Variants in AUTS2 observed in about 807,000 individuals in gnomAD.
The protein encoded by AUTS2 is activator of transcription and developmental regulator AUTS2, also known as autism susceptibility gene 2 protein.
A neutral mutation model predicts 112.4 loss-of-function variants in AUTS2; 17 were observed. That is an observed-to-expected ratio of 0.15 (90% CI 0.10 to 0.23). AUTS2 has a LOEUF of 0.23. Among genes scored for constraint, AUTS2 ranks in the 10% least tolerant of loss-of-function variants. AUTS2 has a pLI of 1.00. For synonymous variants in AUTS2, 751 were observed against 702.7 expected, an observed-to-expected ratio of 1.07 and a Z score of -1.09; for missense variants, 1,510 against 1,701.6, an observed-to-expected ratio of 0.89 and a Z score of 1.98.
At chr7:69,976,850 G>A (rs781651861) in intron 2 of AUTS2, among the ~76,000 whole-genome samples, 6 of 151,570 alleles carry the variant, frequency 4.0e-5, no homozygotes, top group Non-Finnish European at 5.9e-5. Context: ...ACCTTTTTTC[G>A]GGCATATGGT....
At chr7:69,889,648 A>C (rs1794432039) in intron 1 of AUTS2, among the ~76,000 whole-genome samples, 1 of 152,232 alleles carries the variant, frequency 6.6e-6, no homozygotes, top group South Asian at 2.1e-4. Flanking sequence ...TTTTTTAAAA[A>C]GAACATATTA....
chr7:70,655,130 A>G (rs1806702775), intron 5 of AUTS2, among the ~76,000 whole-genome samples: 1 of 152,208 alleles, frequency 6.6e-6, no homozygotes, highest in African/African-American at 2.4e-5. Flanking sequence ...CTCTTGGGAC[A>G]TCCCACACTG....
chr7:70,463,610 A>C (rs1797058008), intron 5 of AUTS2, among the ~76,000 whole-genome samples: 1 of 152,202 alleles, frequency 6.6e-6, no homozygotes. Context: ...CGCACTTGTC[A>C]ATCTTTTGAG....
Position 69,830,203 on chromosome 7 carries a change from A to G in AUTS2, c.310-69083A>G, listed in dbSNP as rs114300834. On this transcript the variant is annotated intron_variant, in intron 1 of 18. Coordinates refer to ENST00000342771, the MANE Select transcript of AUTS2 (RefSeq NM_015570.4). ...TGGATAAGGAGAAAGCACAGACACA[A>G]GGAGGGTAATAACACATACCAGGAG... Among the ~76,000 whole-genome samples the G allele has an allele frequency of 2.9e-3, 445 of 152,252 alleles. 5 individuals are homozygous for G. Among genetic ancestry groups the G allele is most frequent in the African/African-American group, 0.01 (431 of 41,560 alleles).
At chr7:69,798,494 G>A (rs534368354) in intron 1 of AUTS2, among the ~76,000 whole-genome samples, 10 of 152,138 alleles carry the variant, frequency 6.6e-5, no homozygotes, top group Non-Finnish European at 1.0e-4. Flanking sequence ...CCTAACTGTG[G>A]CCCCTAATTT....
intron 5 of AUTS2, among the ~76,000 whole-genome samples, chr7:70,612,219 A>G (rs941639068): frequency 1.2e-4 from 18 of 152,190 alleles, no homozygotes; most frequent in African/African-American, 4.1e-4. Context: ...TCTGTGTTTG[A>G]ACCATCTCAG....
chr7:70,478,151 G>C (rs1214779136), intron 5 of AUTS2, among the ~76,000 whole-genome samples: 3 of 152,068 alleles, frequency 2.0e-5, no homozygotes, highest in African/African-American at 7.2e-5. Flanking sequence ...TGTTGTTCTG[G>C]TTGTTAACCT....
chr7:70,188,107 A>G (rs1809702166), intron 4 of AUTS2, among the ~76,000 whole-genome samples: 1 of 152,222 alleles, frequency 6.6e-6, no homozygotes, highest in African/African-American at 2.4e-5. Context: ...TCATAGTCAT[A>G]ATACACTGAC....
chr7:69,706,872 C>A (rs1035681966), intron 1 of AUTS2, among the ~76,000 whole-genome samples: 1 of 152,126 alleles, frequency 6.6e-6, no homozygotes, highest in Non-Finnish European at 1.5e-5. Context: ...TTTGGTTACA[C>A]GATATCTTGC....
At chr7:69,723,074 A>G (rs902235630) in intron 1 of AUTS2, among the ~76,000 whole-genome samples, 2 of 152,150 alleles carry the variant, frequency 1.3e-5, no homozygotes, top group African/African-American at 4.8e-5. Context: ...GTGCAGCTGC[A>G]TATTAACCTG....
chr7:69,879,893 A>G (rs949958628), intron 1 of AUTS2, among the ~76,000 whole-genome samples: 1 of 152,136 alleles, frequency 6.6e-6, no homozygotes, highest in Admixed American at 6.5e-5. Context: ...TTGACTTCCC[A>G]GGCTTAGACA....
chr7:69,976,457 C>A (rs1798063562), intron 2 of AUTS2, among the ~76,000 whole-genome samples: 1 of 152,076 alleles, frequency 6.6e-6, no homozygotes, highest in African/African-American at 2.4e-5. Flanking sequence ...TGCTATAAGA[C>A]CCTGCTTTTA....
chr7:70,605,546 C>CTCTTTTT (rs1554440368), intron 5 of AUTS2, among the ~76,000 whole-genome samples: 25 of 70,666 alleles, frequency 3.5e-4, no homozygotes, highest in African/African-American at 1.5e-3. Context: ...CCTTCTTTCT[C>CTCTTTTT]TTTTTTTTTT....
At chr7:70,691,425 A>G (rs1282930906) in intron 5 of AUTS2, among the ~76,000 whole-genome samples, 1 of 152,072 alleles carries the variant, frequency 6.6e-6, no homozygotes, top group African/African-American at 2.4e-5. Context: ...TCAAGGAAAA[A>G]AAAAAAAAAC....
intron 2 of AUTS2, among the ~76,000 whole-genome samples, chr7:69,976,953 C>G (rs939636898): frequency 6.6e-6 from 1 of 151,998 alleles, no homozygotes; most frequent in Non-Finnish European, 1.5e-5. Context: ...GATGTAGTTC[C>G]ATCTGTCTGT....
At chr7:70,142,781 A>G (rs940847630) in intron 4 of AUTS2, among the ~76,000 whole-genome samples, 5 of 152,088 alleles carry the variant, frequency 3.3e-5, no homozygotes, top group African/African-American at 1.2e-4. Context: ...AAATAATTTT[A>G]TCTTCATTTT....
chr7:70,141,970 G>A (rs570659456), intron 4 of AUTS2, among the ~76,000 whole-genome samples: 3 of 152,280 alleles, frequency 2.0e-5, no homozygotes, highest in Non-Finnish European at 2.9e-5. Flanking sequence ...TTCAGTACAA[G>A]GGAACTGAGA....
chr7:70,342,767 G>A (rs1390596668), intron 4 of AUTS2, among the ~76,000 whole-genome samples: 5 of 152,028 alleles, frequency 3.3e-5, no homozygotes, highest in Admixed American at 1.3e-4. Flanking sequence ...ACTGCCCTCC[G>A]CAGCCTCTTG....
chr7:70,307,635 AGG>A (rs1789547328), intron 4 of AUTS2, among the ~76,000 whole-genome samples: 1 of 152,278 alleles, frequency 6.6e-6, no homozygotes, highest in African/African-American at 2.4e-5. Flanking sequence ...GGAAACTGAG[AGG>A]CTAAGTGCCT....
Sources: gnomAD v4.1 joint callset for allele counts (sites outside exome capture counted in the v4.1 genomes callset) on GRCh38, gnomAD v4.1.1 for gene constraint, MANE v1.5 for transcripts, NCBI Gene and HGNC (gene_info 2026-07-23, HGNC 2026-07-21) for gene names.